Variants in PACS2 observed in about 807,000 individuals in gnomAD.
The protein encoded by PACS2 is PACS1-like protein.
PACS2 carries 36 observed loss-of-function variants against 113.0 expected under a neutral mutation model. The ratio of observed to expected loss-of-function variants is 0.32; its 90% CI spans 0.24 to 0.42. PACS2 has a LOEUF of 0.42. Ranked by LOEUF, PACS2 falls within the 10% of genes least tolerant of loss-of-function variation. The pLI is 1.00. For synonymous variants in PACS2, 589 were observed against 536.1 expected (o/e 1.10, Z -1.36); for missense variants, 1,015 against 1,239.5 (o/e 0.82, Z 2.72).
rs906537852 is a variant in PACS2 at position 105,395,510 on chromosome 14, T to G, written c.*838T>G. 1.3e-5 allele frequency: 2 copies of G among 152,102 alleles called. No individual in the cohort carries two copies. The highest frequency in any genetic ancestry group is 2.1e-4 in the South Asian group (1 of 4,810). The allele number at this position is 152,102 out of a possible 1,614,324, so 9.4% of individuals were successfully genotyped here. On this transcript the variant is annotated 3_prime_UTR_variant, in exon 25 of 25. Coordinates refer to ENST00000447393, the MANE Select transcript of PACS2 (RefSeq NM_001100913.3). ...AGATGCTGCTGGGGTTGGCCTGAGGTGGGGGCCACTTCCTCCACCCCAGTG... is the reference window on the plus strand; with the variant it reads ...AGATGCTGCTGGGGTTGGCCTGAGGGGGGGGCCACTTCCTCCACCCCAGTG...
chr14:105,383,622 CGGTGTGTCGT>C (rs1256287603), intron 16 of PACS2, 109 bp downstream of exon 16: 13 of 1,082,636 alleles, frequency 1.2e-5, no homozygotes, highest in South Asian at 4.7e-5. Context: ...TGGCGTGGCG[CGGTGTGTCGT>C]GGTGTGGCGC....
chr14:105,306,950 T>C (rs1222222503), intron 1 of PACS2, among the ~76,000 whole-genome samples: 1 of 151,886 alleles, frequency 6.6e-6, no homozygotes, highest in Non-Finnish European at 1.5e-5. Flanking sequence ...TGGGGTCTCG[T>C]GGACCTAGAG....
chr14:105,320,176 C>T (rs2058835178), intron 1 of PACS2, among the ~76,000 whole-genome samples: 2 of 152,066 alleles, frequency 1.3e-5, no homozygotes, highest in South Asian at 4.2e-4. Context: ...CGGGGTTTCA[C>T]CGTGTTGGCC....
At chr14:105,385,464 C>T (rs587735769) in intron 18 of PACS2, among the ~76,000 whole-genome samples, 3 of 152,316 alleles carry the variant, frequency 2.0e-5, no homozygotes, top group African/African-American at 4.8e-5. Flanking sequence ...CTGTCTGTCC[C>T]GCCCGGCGCC....
At chr14:105,378,034 AC>A (rs1249641100) in intron 9 of PACS2, among the ~76,000 whole-genome samples, 10 of 152,084 alleles carry the variant, frequency 6.6e-5, no homozygotes. Context: ...CCGTCCTCGT[AC>A]CCTGGCCCAG....
Position 105,382,798 on chromosome 14 carries a change from TTC to T in PACS2, c.1519-7_1519-6del. 1 of 1,563,338 alleles carries T rather than the reference TTC, an allele frequency of 6.4e-7. No homozygotes were observed. The highest frequency in any genetic ancestry group is 8.7e-7 in the Non-Finnish European group (1 of 1,143,776). On this transcript the variant is annotated splice_polypyrimidine_tract_variant and splice_region_variant and intron_variant, in intron 14 of 24. Coordinates refer to ENST00000447393, the MANE Select transcript of PACS2 (RefSeq NM_001100913.3). ...GTGCCGAAGTCAGCGTCTGCCTGTC[TTC>T]TGCCAGTTCCTCTCCGACGTCCTGC...
chr14:105,325,170 G>GGT (rs996104248), intron 1 of PACS2, among the ~76,000 whole-genome samples: 18 of 125,994 alleles, frequency 1.4e-4, no homozygotes, highest in African/African-American at 9.2e-4. Flanking sequence ...GTGGTGGGAC[G>GGT]GGGGGGGGCT....
At position 105,352,190 on chromosome 14, in the gene PACS2, C is replaced by A. The variant is rs587605085; in HGVS notation, c.208-188C>A. Among the ~76,000 whole-genome samples, 157 of 152,224 alleles carry A rather than the reference C, an allele frequency of 1.0e-3. 1 individual carries two copies. The highest frequency in any genetic ancestry group is 3.7e-3 in the African/African-American group (153 of 41,530). Reference sequence around the variant, plus strand: ...GTGGAACCTGTGGGCCGAAGGGTCTCCATGTTTTTAAGGTTCTTGGGAAAG... The same window carrying A: ...GTGGAACCTGTGGGCCGAAGGGTCTACATGTTTTTAAGGTTCTTGGGAAAG... On this transcript the variant is annotated intron_variant, in intron 2 of 24. Transcript: ENST00000447393.
chr14:105,365,094 C>T lies in PACS2; in HGVS notation c.424-2119C>T, dbSNP rs926286303. On this transcript the variant is annotated intron_variant, in intron 4 of 24. Transcript: ENST00000447393. This position sits in a 1 kb window ranked among gnomAD's most constrained non-coding sequence, Gnocchi z 5.1. The stretch of plus-strand genomic sequence containing the variant: ...GGAGCTGGGCCCTGGGGCCACCCTC[C>T]CTGGTGAGGCAGCTCCAGCCCTTTG... Among the ~76,000 whole-genome samples, 1 of 152,228 alleles carries T rather than the reference C, an allele frequency of 6.6e-6. No individual in the cohort carries two copies. Among genetic ancestry groups the T allele is most frequent in the Admixed American group, 6.5e-5 (1 of 15,280 alleles).
chr14:105,391,799 T>G, intron 22 of PACS2, 33 bp downstream of exon 22: 1 of 1,559,222 alleles, frequency 6.4e-7, no homozygotes, highest in South Asian at 1.2e-5. Context: ...CACGTTTCAC[T>G]TACCCGCCCC....
chr14:105,308,884 G>A (rs2058268568), intron 1 of PACS2, among the ~76,000 whole-genome samples: 1 of 152,100 alleles, frequency 6.6e-6, no homozygotes, highest in Admixed American at 6.5e-5. Flanking sequence ...TGAGGCAGGA[G>A]GATGGTTTGA....
At position 105,364,516 on chromosome 14, in the gene PACS2, T is replaced by C. The variant is rs587627737; in HGVS notation, c.424-2697T>C. On this transcript the variant is annotated intron_variant, in intron 4 of 24. Transcript: ENST00000447393. ...CCCGGGTGCGCGGTGGGCGGTGGCC[T>C]GGGTGCGCGGTGGGCGGCACCATCC... Among the ~76,000 whole-genome samples, 744 of 140,302 alleles carry C rather than the reference T, an allele frequency of 5.3e-3. 2 individuals are homozygous for C. Among genetic ancestry groups the C allele is most frequent in the East Asian group, 6.9e-3 (33 of 4,764 alleles). The allele number at this position is 140,302 out of a possible 152,430, so 92.0% of individuals were successfully genotyped here.
rs148554852 is a variant in PACS2 at position 105,371,509 on chromosome 14, T to C, written c.801+1609T>C. 1.7e-3 allele frequency: 260 copies of C among 152,380 alleles called. 4 individuals carry two copies. The highest frequency in any genetic ancestry group is 5.9e-3 in the African/African-American group (246 of 41,578). The allele number at this position is 152,380 out of a possible 1,614,324, so 9.4% of individuals were successfully genotyped here. On this transcript the variant is annotated intron_variant, in intron 8 of 24. Coordinates refer to ENST00000447393, the MANE Select transcript of PACS2 (RefSeq NM_001100913.3). The stretch of plus-strand genomic sequence containing the variant: ...TCATAGGGATAATTGCACAGCGTTG[T>C]GTGAAATTCATGCAGGTCAACACAG...
chr14:105,352,450 C>T lies in PACS2; in HGVS notation c.280C>T (p.Leu94=). ...PSGQVETDLA[L]TFSLQYPHFL... Reference sequence around the variant, plus strand: ...TGGACAAGTGGAGACAGACCTGGCCCTGACCTTCTCCTTGCAGGTGAGTCT... The same window carrying T: ...TGGACAAGTGGAGACAGACCTGGCCTTGACCTTCTCCTTGCAGGTGAGTCT... The change falls in exon 3 of 25, where the codon CTG becomes TTG. Residue 94 remains leucine, a synonymous_variant. Coordinates refer to ENST00000447393, the MANE Select transcript of PACS2 (RefSeq NM_001100913.3). 1 of 1,607,638 alleles carries T rather than the reference C, an allele frequency of 6.2e-7. No homozygotes were observed. The highest frequency in any genetic ancestry group is 8.5e-7 in the Non-Finnish European group (1 of 1,174,384).
At chr14:105,383,195 C>T (rs782215899) in intron 15 of PACS2, 164 bp from the exon 16 acceptor site, 17 of 807,956 alleles carry the variant, frequency 2.1e-5, no homozygotes, top group African/African-American at 3.3e-5. Flanking sequence ...AGCCTGGGCA[C>T]GTTTGGGCAT....
intron 4 of PACS2, among the ~76,000 whole-genome samples, chr14:105,363,296 A>G (rs2060802693): frequency 6.6e-6 from 1 of 152,214 alleles, no homozygotes; most frequent in African/African-American, 2.4e-5. Context: ...TGAAAGTCCT[A>G]GATGGCATCT....
chr14:105,382,755 G>C (rs1400868824), intron 14 of PACS2, 52 bp from the exon 15 acceptor site: 8 of 1,185,424 alleles, frequency 6.7e-6, no homozygotes, highest in Non-Finnish European at 8.6e-6. Flanking sequence ...TCAGGTGCTG[G>C]GGGTGGCCTG....
Position 105,368,010 on chromosome 14 carries a change from G to C in PACS2, c.587-64G>C. 7.5e-6 allele frequency: 8 copies of C among 1,072,574 alleles called. No individual in the cohort carries two copies. The South Asian group carries it at 1.0e-4, about 14-fold the overall frequency. The allele number at this position is 1,072,574 out of a possible 1,614,324, so 66.4% of individuals were successfully genotyped here. A position where few individuals can be genotyped will look rare whatever the true frequency, so the allele number is the denominator to read the frequency against. The stretch of plus-strand genomic sequence containing the variant: ...CTGTGTCCAGGGAAGCCTGGGGGTG[G>C]TCACTGCCTGGTTTCCCGGGTGGAA... On this transcript the variant is annotated intron_variant, in intron 5 of 24. Transcript: ENST00000447393.
intron 1 of PACS2, among the ~76,000 whole-genome samples, chr14:105,327,975 G>A (rs1465483446): frequency 2.0e-5 from 3 of 152,144 alleles, no homozygotes; most frequent in African/African-American, 7.2e-5. Flanking sequence ...ATTGACAGCC[G>A]AGCCTTGGCT....
Sources: gnomAD v4.1 joint callset for allele counts (sites outside exome capture counted in the v4.1 genomes callset) on GRCh38, gnomAD v4.1.1 for gene constraint, Gnocchi (gnomAD v3.1) non-coding constraint, MANE v1.5 for transcripts, NCBI Gene and HGNC (gene_info 2026-07-23, HGNC 2026-07-21) for gene names.